FKBP1A: variants seen among roughly 807,000 people sequenced by gnomAD.
FKBP1A encodes the protein peptidyl-prolyl cis-trans isomerase FKBP1A.
A neutral mutation model predicts 14.2 loss-of-function variants in FKBP1A; 5 were observed. The ratio of observed to expected loss-of-function variants is 0.35; its 90% CI spans 0.18 to 0.74. The LOEUF is 0.74. Ranked by LOEUF, FKBP1A falls within the 30% of genes least tolerant of loss-of-function variation. The probability of loss-of-function intolerance (pLI) is 0.56; values close to 1 mark genes in which losing one functional copy is unlikely to be tolerated. For missense variants in FKBP1A, 53 were observed against 138.8 expected (o/e 0.38, Z 3.10); for synonymous variants, 42 against 49.1 (o/e 0.86, Z 0.60).
chr20:1,392,481 T>G (rs2089750540), intron 2 of FKBP1A, among the ~76,000 whole-genome samples: 2 of 152,140 alleles, frequency 1.3e-5, no homozygotes, highest in Non-Finnish European at 2.9e-5. Flanking sequence ...TTCCTGAAAG[T>G]GTGACCTTGG....
At chr20:1,371,843 T>C in intron 4 of FKBP1A, 1 of 1,221,452 alleles carries the variant, frequency 8.2e-7, no homozygotes, top group Non-Finnish European at 1.0e-6. Context: ...ACAGCTGCCA[T>C]CTCCATGAGT....
intron 2 of FKBP1A, 110 bp downstream of exon 2, chr20:1,392,724 C>T (rs1436158829): frequency 2.7e-6 from 2 of 744,638 alleles, no homozygotes; most frequent in African/African-American, 1.9e-5. Context: ...CGGACCTCGC[C>T]GCCGCCACGC....
intron 3 of FKBP1A, chr20:1,375,260 A>C: frequency 1.7e-6 from 1 of 581,342 alleles, no homozygotes; most frequent in Non-Finnish European, 3.0e-6. Flanking sequence ...GTAAACTGCA[A>C]AACAGTATGT....
rs772224870 is a variant in FKBP1A, at chr20:1,370,005, C to T, written c.*104G>A. ...GATGTCTATACAAAGTGGAGTGGAA[C>T]ATCAGGAAAAGCTCCATATGGATTC... On this transcript the variant is annotated 3_prime_UTR_variant, in exon 5 of 5. Coordinates refer to ENST00000400137, the MANE Select transcript of FKBP1A (RefSeq NM_000801.5). The T allele has an allele frequency of 2.5e-5, 39 of 1,549,210 alleles. No individual in the cohort carries two copies. Among genetic ancestry groups the T allele is most frequent in the Non-Finnish European group, 3.1e-5 (36 of 1,146,412 alleles).
chr20:1,381,648 C>T (rs950868487), intron 2 of FKBP1A, among the ~76,000 whole-genome samples: 4 of 152,256 alleles, frequency 2.6e-5, no homozygotes, highest in African/African-American at 9.6e-5. Context: ...GATTTATTAG[C>T]GATAGTCAAA....
intron 2 of FKBP1A, among the ~76,000 whole-genome samples, chr20:1,381,066 T>C (rs1250002886): frequency 3.3e-5 from 5 of 152,232 alleles, no homozygotes; most frequent in African/African-American, 9.6e-5. Flanking sequence ...GAAGATTTCT[T>C]AGTATGATGT....
intron 2 of FKBP1A, 29 bp downstream of exon 2, chr20:1,392,805 G>T: frequency 6.8e-7 from 1 of 1,475,502 alleles, no homozygotes; most frequent in African/African-American, 1.5e-5. Flanking sequence ...TGCGGCCCGG[G>T]CCCCCTCCCC....
At chr20:1,371,641 C>A (rs2122652635) in intron 4 of FKBP1A, 1 of 849,808 alleles carries the variant, frequency 1.2e-6, no homozygotes, top group South Asian at 5.3e-5. Flanking sequence ...GCCGCAGAAG[C>A]TAGGACATGA....
chr20:1,370,929 CAGGTGAAGA>C, intron 4 of FKBP1A: 1 of 985,482 alleles, frequency 1.0e-6, no homozygotes, highest in South Asian at 4.7e-5. Flanking sequence ...GTAGCAATGA[CAGGTGAAGA>C]AACCAGTTAT....
intron 2 of FKBP1A, among the ~76,000 whole-genome samples, chr20:1,384,980 A>G (rs1050168770): frequency 1.1e-4 from 17 of 152,250 alleles, no homozygotes; most frequent in Non-Finnish European, 1.5e-5. Context: ...ACGGCAATAA[A>G]AAGAACACAG....
intron 2 of FKBP1A, among the ~76,000 whole-genome samples, chr20:1,376,388 T>A (rs1158967004): frequency 6.6e-6 from 1 of 152,248 alleles, no homozygotes; most frequent in Non-Finnish European, 1.5e-5. Context: ...TTCATCCCAC[T>A]TATTTTATCC....
In FKBP1A at chr20:1,369,988, T is replaced by C. The variant is rs550532523; in HGVS notation, c.*121A>G. 18 of 1,547,366 alleles carry C rather than the reference T, an allele frequency of 1.2e-5. No individual in the cohort carries two copies. The Admixed American group carries it at 1.2e-4, about 10-fold the overall frequency. ...CACATTCAGTCAGGGCAGATGTCTA[T>C]ACAAAGTGGAGTGGAACATCAGGAA... On this transcript the variant is annotated 3_prime_UTR_variant, in exon 5 of 5. Transcript: ENST00000400137.
At position 1,391,546 on chromosome 20, in the gene FKBP1A, T is replaced by C. The variant is rs999420721; in HGVS notation, c.85+1288A>G. The C allele has an allele frequency of 7.3e-5, 29 of 396,888 alleles. 1 individual carries two copies. The highest frequency in any genetic ancestry group is 6.3e-4 in the Middle Eastern group (1 of 1,600). The allele number at this position is 396,888 out of a possible 1,614,324, so 24.6% of individuals were successfully genotyped here. ...AACTTCTACCTCCTGCCCCCATTTC[T>C]ACCCACGGGGAAGGGCCACAGAAAT... On this transcript the variant is annotated intron_variant, in intron 2 of 4. Coordinates refer to ENST00000400137, the MANE Select transcript of FKBP1A (RefSeq NM_000801.5).
chr20:1,389,326 C>CTGTG (rs1211452248), intron 2 of FKBP1A, among the ~76,000 whole-genome samples: 1 of 152,214 alleles, frequency 6.6e-6, no homozygotes, highest in Non-Finnish European at 1.5e-5. Context: ...CAGTTACAGC[C>CTGTG]TGTGTGCCTC....
intron 2 of FKBP1A, among the ~76,000 whole-genome samples, chr20:1,387,705 G>A (rs1056370646): frequency 3.9e-5 from 6 of 152,038 alleles, no homozygotes; most frequent in Non-Finnish European, 7.4e-5. Flanking sequence ...ATTAGGACAG[G>A]TGGCATGCAC....
intron 3 of FKBP1A, among the ~76,000 whole-genome samples, chr20:1,372,472 C>T (rs904101833): frequency 9.9e-5 from 15 of 152,204 alleles, no homozygotes; most frequent in African/African-American, 2.7e-4. Context: ...CAAAACCCCT[C>T]CTGACTCTCA....
At chr20:1,388,041 T>C (rs900047307) in intron 2 of FKBP1A, among the ~76,000 whole-genome samples, 3 of 152,214 alleles carry the variant, frequency 2.0e-5, no homozygotes, top group Admixed American at 6.5e-5. Context: ...AGACCATCTA[T>C]GGCTACCTAA....
chr20:1,371,890 A>G (rs1034415625), intron 4 of FKBP1A, 186 bp downstream of exon 4: 41 of 1,360,274 alleles, frequency 3.0e-5, no homozygotes, highest in Non-Finnish European at 3.8e-5. Flanking sequence ...TCCTTTCCTT[A>G]GGGTGACCAA....
rs1600344679 is a variant in FKBP1A, at chr20:1,393,054, C to A, written c.-56G>T. 1 of 1,194,514 alleles carries A rather than the reference C, an allele frequency of 8.4e-7. No individual in the cohort carries two copies. The highest frequency in any genetic ancestry group is 1.1e-6 in the Non-Finnish European group (1 of 885,258). 74.0% of individuals were successfully genotyped at this position (1,194,514 alleles called of 1,614,324 possible). A position where few individuals can be genotyped will look rare whatever the true frequency, so the allele number is the denominator to read the frequency against. ...CGCGACGGGCGGCGTGGACCAACAG[C>A]GACCTGGCGGCGGTTCCACGGCTCT... On this transcript the variant is annotated 5_prime_UTR_variant, in exon 1 of 5. Transcript: ENST00000400137.
Sources: allele counts gnomAD v4.1 joint callset (sites outside exome capture counted in the v4.1 genomes callset), GRCh38; gene constraint gnomAD v4.1.1; transcripts MANE v1.5; gene names NCBI Gene and HGNC (gene_info 2026-07-23, HGNC 2026-07-21).